Variants in SASH1 observed in about 807,000 individuals in gnomAD.
SASH1 encodes SAM and SH3 domain-containing protein 1.
In SASH1, 44 loss-of-function variants were observed where a neutral mutation model predicts 125.2. The ratio of observed to expected loss-of-function variants is 0.35; its 90% CI spans 0.28 to 0.45. SASH1 has a LOEUF of 0.45. Ranked by LOEUF, SASH1 falls within the 20% of genes least tolerant of loss-of-function variation. The pLI is 1.00. For synonymous variants in SASH1, 639 were observed against 649.1 expected, an observed-to-expected ratio of 0.98 and a Z score of 0.24; for missense variants, 1,426 against 1,614.5, an observed-to-expected ratio of 0.88 and a Z score of 2.00.
At chr6:148,391,370 A>G (rs1277665575) in intron 2 of SASH1, among the ~76,000 whole-genome samples, 1 of 151,164 alleles carries the variant, frequency 6.6e-6, no homozygotes, top group Admixed American at 6.6e-5. Flanking sequence ...GGCCTCCCAA[A>G]GTGTTGGGAT....
rs746634403 is a variant in SASH1 at position 148,519,588 on chromosome 6, G to A, written c.904G>A (p.Glu302Lys). 1.9e-5 allele frequency: 30 copies of A among 1,614,184 alleles called. No homozygotes were observed. The highest frequency in any genetic ancestry group is 2.5e-5 in the Non-Finnish European group (29 of 1,180,038). The change falls in exon 10 of 20, where the codon GAA (glutamate) becomes AAA (lysine). Residue 302 changes from glutamate to lysine, a missense_variant. By Grantham distance (56) the Glu-to-Lys change is moderately conservative. Around this residue, in one of 3 missense-constraint regions of SASH1, gnomAD observed 567 missense variants for 575.6 expected, o/e 0.99. Coordinates refer to ENST00000367467, the MANE Select transcript of SASH1 (RefSeq NM_015278.5). This position sits in a 1 kb window ranked among gnomAD's most constrained non-coding sequence, Gnocchi z 4.8. ...HVFENSPVLD[E>K]RSALYSGVHK... ...GTTTGAGAATTCGCCGGTCCTGGAT[G>A]AACGGTCCGCCCTCTACTCTGGCGT... is the stretch of plus-strand genomic sequence containing the variant.
At chr6:148,482,772 T>A (rs973084324) in intron 7 of SASH1, among the ~76,000 whole-genome samples, 1 of 147,172 alleles carries the variant, frequency 6.8e-6, no homozygotes, top group Non-Finnish European at 1.5e-5. Context: ...CACTGCAACC[T>A]CCACCTCCCA....
At chr6:148,406,543 G>A (rs886681423) in intron 2 of SASH1, among the ~76,000 whole-genome samples, 1 of 152,174 alleles carries the variant, frequency 6.6e-6, no homozygotes, top group Non-Finnish European at 1.5e-5. Context: ...AGCTTGTGGG[G>A]GATCATGGAG....
intron 10 of SASH1, 179 bp downstream of exon 10, chr6:148,520,072 C>T: frequency 3.4e-6 from 2 of 585,140 alleles, no homozygotes; most frequent in South Asian, 4.4e-5. Context: ...GTCACCAGCA[C>T]CACCTGTGAC....
chr6:148,490,013 T>TAAA lies in SASH1; in HGVS notation c.729+2316_729+2318dup, dbSNP rs57304766. Among the ~76,000 whole-genome samples, 514 of 124,920 alleles carry TAAA rather than the reference T, an allele frequency of 4.1e-3. 2 individuals are homozygous for TAAA. Among genetic ancestry groups the TAAA allele is most frequent in the African/African-American group, 6.5e-3 (221 of 34,054 alleles). The allele number at this position is 124,920 out of a possible 152,430, so 82.0% of individuals were successfully genotyped here. ...GTACCACTGCACTCCATCCTGTCTT[T>TAAA]AAAAAAAAAAAAAAAAAAAACAAGA... On this transcript the variant is annotated intron_variant, in intron 8 of 19. Transcript: ENST00000367467.
chr6:148,304,886 G>C (rs1050896832), intron 1 of SASH1, among the ~76,000 whole-genome samples: 1 of 152,112 alleles, frequency 6.6e-6, no homozygotes, highest in Non-Finnish European at 1.5e-5. Context: ...AAATTAGCTG[G>C]ACGTGGTGAT....
At chr6:148,349,483 T>C (rs1283984179) in intron 1 of SASH1, among the ~76,000 whole-genome samples, 1 of 151,966 alleles carries the variant, frequency 6.6e-6, no homozygotes, top group Non-Finnish European at 1.5e-5. Context: ...AGGCTGGTCT[T>C]GAACTCCTGA....
chr6:148,436,529 T>TA (rs1046876094), intron 2 of SASH1, among the ~76,000 whole-genome samples: 24 of 131,204 alleles, frequency 1.8e-4, no homozygotes, highest in Middle Eastern at 3.7e-3. Flanking sequence ...AAATAAAAAT[T>TA]AAAAAAAACA....
chr6:148,518,906 A>G (rs954278524), intron 9 of SASH1, among the ~76,000 whole-genome samples: 3 of 152,168 alleles, frequency 2.0e-5, no homozygotes, highest in Non-Finnish European at 4.4e-5. Context: ...GGCTGCTCCT[A>G]GTGAGGCCTG....
rs1300729366 is a variant in SASH1 at position 148,549,642 on chromosome 6, T to C, written c.*1084T>C. On this transcript the variant is annotated 3_prime_UTR_variant, in exon 20 of 20. Coordinates refer to ENST00000367467, the MANE Select transcript of SASH1 (RefSeq NM_015278.5). ...GGGAAGTCATGTATAAGATGTTTTC[T>C]AAAAGACTTTTCAGTATTACAACTA... 2 of 398,936 alleles carry C rather than the reference T, an allele frequency of 5.0e-6. No individual in the cohort carries two copies. Among genetic ancestry groups the C allele is most frequent in the Non-Finnish European group, 8.8e-6 (2 of 226,058 alleles). The allele number at this position is 398,936 out of a possible 1,614,324, so 24.7% of individuals were successfully genotyped here. A position where few individuals can be genotyped will look rare whatever the true frequency, so the allele number is the denominator to read the frequency against.
In SASH1 at chr6:148,471,386, CTTTTTT is replaced by C. The variant is rs35487674; in HGVS notation, c.428-9_428-4del. ...GAATTTATTGCTTGTGCTTTTTGTT[CTTTTTT>C]TTTTTTTTTTTTTTTTTTTTTAAGG... On this transcript the variant is annotated intron_variant, in intron 5 of 19. Coordinates refer to ENST00000367467, the MANE Select transcript of SASH1 (RefSeq NM_015278.5). 6.4e-3 allele frequency: 3,206 copies of C among 500,610 alleles called. No homozygotes were observed. The highest frequency in any genetic ancestry group is 9.1e-3 in the East Asian group (216 of 23,828). The allele number at this position is 500,610 out of a possible 1,614,324, so 31.0% of individuals were successfully genotyped here. A position where few individuals can be genotyped will look rare whatever the true frequency, so the allele number is the denominator to read the frequency against.
chr6:148,229,107 C>T, the SASH1 span, among the ~76,000 whole-genome samples: 1 of 115,680 alleles, frequency 8.6e-6, no homozygotes, highest in Admixed American at 1.2e-4. Flanking sequence ...GCACTCCAGC[C>T]TGGGCAAAAC....
At chr6:148,381,927 G>A (rs1783156618) in intron 1 of SASH1, among the ~76,000 whole-genome samples, 1 of 152,088 alleles carries the variant, frequency 6.6e-6, no homozygotes, top group Non-Finnish European at 1.5e-5. Flanking sequence ...GTGAGCCACT[G>A]TGCCCAGCCT....
intron 2 of SASH1, among the ~76,000 whole-genome samples, chr6:148,422,213 CTATGCTT>C (rs1313395318): frequency 6.6e-6 from 1 of 152,232 alleles, no homozygotes; most frequent in East Asian, 1.9e-4. Context: ...TAGTGCCAAT[CTATGCTT>C]TCTGCCTGAG....
intron 19 of SASH1, 90 bp from the exon 20 acceptor site, chr6:148,548,205 T>C: frequency 8.5e-7 from 1 of 1,179,128 alleles, no homozygotes; most frequent in Non-Finnish European, 1.2e-6. Flanking sequence ...AGCAATGCAG[T>C]ATTTCAGTGC....
chr6:148,313,497 A>G (rs183385756), intron 1 of SASH1, among the ~76,000 whole-genome samples: 13 of 152,312 alleles, frequency 8.5e-5, no homozygotes, highest in Admixed American at 8.5e-4. Flanking sequence ...CTATTCAAAA[A>G]GATTTCTGGC....
chr6:148,233,357 A>G, the SASH1 span, among the ~76,000 whole-genome samples: 1 of 152,102 alleles, frequency 6.6e-6, no homozygotes, highest in African/African-American at 2.4e-5. Flanking sequence ...TCTGCCAGAG[A>G]AAGAGGGGGA....
At chr6:148,324,962 C>T (rs930772140) in intron 1 of SASH1, among the ~76,000 whole-genome samples, 5 of 152,144 alleles carry the variant, frequency 3.3e-5, no homozygotes, top group Non-Finnish European at 7.3e-5. Flanking sequence ...TCCATCTGTG[C>T]CAGCCACGTG....
the SASH1 span, among the ~76,000 whole-genome samples, chr6:148,211,278 G>A: frequency 6.6e-6 from 1 of 152,126 alleles, no homozygotes; most frequent in Non-Finnish European, 1.5e-5. Flanking sequence ...CTTTTGAAGG[G>A]CTCTAAAAGA....
Sources: gnomAD v4.1 joint callset for allele counts (sites outside exome capture counted in the v4.1 genomes callset) on GRCh38, gnomAD v4.1.1 for gene constraint, gnomAD v4.1.1 regional missense constraint, Gnocchi (gnomAD v3.1) non-coding constraint, MANE v1.5 for transcripts, NCBI Gene and HGNC (gene_info 2026-07-23, HGNC 2026-07-21) for gene names.